Variants in IQCC observed in about 807,000 individuals in gnomAD.
The protein encoded by IQCC is IQ motif containing C, also known as IQ domain-containing protein C.
Under a neutral mutation model 27.0 loss-of-function variants are expected in IQCC, and 23 were observed. That is an observed-to-expected ratio of 0.85 (90% CI 0.61 to 1.21). The LOEUF is 1.21. IQCC is among the 50% of genes most tolerant of loss of function. The probability of loss-of-function intolerance (pLI) is 0.00; values close to 1 mark genes in which losing one functional copy is unlikely to be tolerated. For synonymous variants in IQCC, 220 were observed against 217.2 expected, an observed-to-expected ratio of 1.01 and a Z score of -0.11; for missense variants, 552 against 562.3, an observed-to-expected ratio of 0.98 and a Z score of 0.19.
Position 32,206,683 on chromosome 1 carries a change from AG to A in IQCC, c.362del (p.Ser121ThrfsTer6), listed in dbSNP as rs1643350584. 1 of 1,614,226 alleles carries A rather than the reference AG, an allele frequency of 6.2e-7. No homozygotes were observed. Among genetic ancestry groups the A allele is most frequent in the Admixed American group, 1.7e-5 (1 of 60,028 alleles). The part of the protein sequence containing the change: ...ANQGSLCRDH[S>X]SWLQMKQNRK... ...TCAAGGAAGCCTCTGCAGAGATCAC[AG>A]CTCCTGGCTTCAGATGAAGCAGAAC... On this transcript the variant is annotated frameshift_variant, in exon 3 of 5. Coordinates refer to ENST00000291358, the MANE Select transcript of IQCC (RefSeq NM_018134.3). LOFTEE classifies it high-confidence loss of function.
chr1:32,206,970 G>A, intron 3 of IQCC, 32 bp from the exon 4 acceptor site: 1 of 1,556,588 alleles, frequency 6.4e-7, no homozygotes, highest in South Asian at 1.1e-5. Context: ...GTCCCTCAAG[G>A]TTTTCTCCTT....
rs745660706 is a variant in IQCC at position 32,206,298 on chromosome 1, G to A, written c.186+1G>A. ...TCCCAGGCCGCGATTCCTCCCAGAG[G>A]TAGAACACACCTAGGAGAGAAGGGA... is the stretch of plus-strand genomic sequence containing the variant. On this transcript the variant is annotated splice_donor_variant, in intron 2 of 4. Coordinates refer to ENST00000291358, the MANE Select transcript of IQCC (RefSeq NM_018134.3). LOFTEE classifies it high-confidence loss of function. 2.5e-6 allele frequency: 4 copies of A among 1,614,016 alleles called. No individual in the cohort carries two copies. The highest frequency in any genetic ancestry group is 2.2e-5 in the South Asian group (2 of 91,090).
chr1:32,207,973 C>G lies in IQCC; in HGVS notation c.1292C>G (p.Thr431Ser). ...PSHEGQKKQR[T>S]IPWRSKSPEI... is the part of the protein sequence containing the mutation. ...CATGAAGGACAGAAAAAGCAGAGGA[C>G]TATACCATGGAGATCAAAGTCACCT... The change falls in exon 5 of 5, where the codon ACT becomes AGT. Residue 431 changes from threonine (T) to serine (S), a missense_variant. By Grantham distance (58) the Thr-to-Ser change is moderately conservative. Coordinates refer to ENST00000291358, the MANE Select transcript of IQCC (RefSeq NM_018134.3). 6.2e-7 allele frequency: 1 copy of G among 1,614,152 alleles called. No individual in the cohort carries two copies. The highest frequency in any genetic ancestry group is 8.5e-7 in the Non-Finnish European group (1 of 1,180,020).
At chr1:32,206,880 G>T in intron 3 of IQCC, 119 bp downstream of exon 3, 1 of 1,434,226 alleles carries the variant, frequency 7.0e-7, no homozygotes, top group Non-Finnish European at 9.6e-7. Context: ...TCCCTCTGCC[G>T]GGATAGGGCC....
At position 32,207,298 on chromosome 1, in the gene IQCC, C is replaced by T. The variant is rs371494687; in HGVS notation, c.617C>T (p.Pro206Leu). The change falls in exon 5 of 5, where the codon CCC (proline) becomes CTC (leucine). Residue 206 changes from proline (P) to leucine (L), a missense_variant. Pro to Leu is a moderately conservative substitution (Grantham distance 98, BLOSUM62 -3). Coordinates refer to ENST00000291358, the MANE Select transcript of IQCC (RefSeq NM_018134.3). ...GAGGCGGGCCCGATCAGAGAGGAAC[C>T]CCGCGTGTTCCTAGAACATGGGGAA... ...SPEAGPIREE[P>L]RVFLEHGEQA... 2 of 1,613,682 alleles carry T rather than the reference C, an allele frequency of 1.2e-6. No individual in the cohort carries two copies. The highest frequency in any genetic ancestry group is 2.2e-5 in the East Asian group (1 of 44,880).
rs746697630 is a variant in IQCC, at chr1:32,207,224, T to C, written c.559-16T>C. The C allele has an allele frequency of 1.9e-6, 3 of 1,613,594 alleles. No individual in the cohort carries two copies. The East Asian group carries it at 6.7e-5, about 36-fold the overall frequency. On this transcript the variant is annotated splice_polypyrimidine_tract_variant and intron_variant, in intron 4 of 4. Coordinates refer to ENST00000291358, the MANE Select transcript of IQCC (RefSeq NM_018134.3). Reference sequence around the variant, plus strand: ...GCAGGCCTGCTTGGTACAATGTATGTTCTCTCCCCCAACAGTACCTACTTC... The same window carrying C: ...GCAGGCCTGCTTGGTACAATGTATGCTCTCTCCCCCAACAGTACCTACTTC...
chr1:32,205,750 G>A lies in IQCC; in HGVS notation c.42+27G>A. The A allele has an allele frequency of 3.1e-6, 5 of 1,611,024 alleles. No individual in the cohort carries two copies. The highest frequency in any genetic ancestry group is 4.2e-6 in the Non-Finnish European group (5 of 1,179,316). Reference sequence around the variant, plus strand: ...TGCGGGGGCGGGCGCGGGGTTCACAGGATTTTTCCTTTAGGGAAATCATGG... The same window carrying A: ...TGCGGGGGCGGGCGCGGGGTTCACAAGATTTTTCCTTTAGGGAAATCATGG... On this transcript the variant is annotated intron_variant, in intron 1 of 4. Coordinates refer to ENST00000291358, the MANE Select transcript of IQCC (RefSeq NM_018134.3). The surrounding 1 kb of genome is among the most constrained non-coding windows in gnomAD (Gnocchi z 5.6).
intron 4 of IQCC, 33 bp from the exon 5 acceptor site, chr1:32,207,207 G>A (rs1318219046): frequency 6.2e-7 from 1 of 1,611,310 alleles, no homozygotes; most frequent in Non-Finnish European, 8.5e-7. Context: ...AAGCAGGCCT[G>A]CTTGGTACAA....
chr1:32,207,728 A>C lies in IQCC; in HGVS notation c.1047A>C (p.Ser349=). The C allele has an allele frequency of 6.2e-7, 1 of 1,613,998 alleles. No individual in the cohort carries two copies. Among genetic ancestry groups the C allele is most frequent in the Non-Finnish European group, 8.5e-7 (1 of 1,180,040 alleles). Residue 349 remains serine, a synonymous_variant, in exon 5 of 5, where the codon TCA becomes TCC. Transcript: ENST00000291358. ...AGCTGTCTGCACTCTATGAGGACTCAAATATTAAGGAGATGTCTCCCAGAA... is the reference window on the plus strand; with the variant it reads ...AGCTGTCTGCACTCTATGAGGACTCCAATATTAAGGAGATGTCTCCCAGAA... ...RTQLSALYED[S]NIKEMSPRKL...
rs536221436 is a variant in IQCC, at chr1:32,206,448, T to C, written c.187-61T>C. On this transcript the variant is annotated intron_variant, in intron 2 of 4. Transcript: ENST00000291358. ...CCTCACCAACTTGTCTGCTAGATCA[T>C]GGTGCCCAGATACTTGGAAGGGTTT... The C allele has an allele frequency of 4.4e-6, 7 of 1,608,600 alleles. No homozygotes were observed. The East Asian group carries it at 6.7e-5, about 15-fold the overall frequency.
intron 2 of IQCC, 97 bp from the exon 3 acceptor site, chr1:32,206,412 C>G: frequency 6.3e-7 from 1 of 1,598,854 alleles, no homozygotes; most frequent in Non-Finnish European, 8.5e-7. Flanking sequence ...CCTCACACCC[C>G]ACTCCTTAAC....
intron 2 of IQCC, 84 bp downstream of exon 2, chr1:32,206,381 G>A (rs1445379297): frequency 6.2e-7 from 1 of 1,600,972 alleles, no homozygotes; most frequent in East Asian, 2.2e-5. Context: ...TTTCTCACTG[G>A]AAGAGGCAGT....
rs1218111965 is a variant in IQCC at position 32,206,137 on chromosome 1, C to T, written c.43-17C>T. ...TACCGTGATAAGGGACTTCTTTCCT[C>T]TCGTTCTCCATACCAGGCCTGCGTC... On this transcript the variant is annotated splice_polypyrimidine_tract_variant and intron_variant, in intron 1 of 4. Coordinates refer to ENST00000291358, the MANE Select transcript of IQCC (RefSeq NM_018134.3). 1.2e-6 allele frequency: 2 copies of T among 1,613,230 alleles called. No homozygotes were observed. The highest frequency in any genetic ancestry group is 1.7e-6 in the Non-Finnish European group (2 of 1,179,164).
chr1:32,206,094 C>T, intron 1 of IQCC, 60 bp from the exon 2 acceptor site: 1 of 1,612,126 alleles, frequency 6.2e-7, no homozygotes, highest in Non-Finnish European at 8.5e-7. Flanking sequence ...GGACAGTCCT[C>T]CGAGATGCCC....
At chr1:32,206,355 T>C in intron 2 of IQCC, 58 bp downstream of exon 2, 1 of 1,605,602 alleles carries the variant, frequency 6.2e-7, no homozygotes, top group Non-Finnish European at 8.5e-7. Context: ...GAACCCACCC[T>C]TCCCAGTGAT....
At position 32,207,594 on chromosome 1, in the gene IQCC, G is replaced by A. The variant is rs35962977; in HGVS notation, c.913G>A (p.Gly305Arg). 2.4e-5 allele frequency: 38 copies of A among 1,613,466 alleles called. No homozygotes were observed. The African/African-American group carries it at 2.9e-4, about 12-fold the overall frequency. The stretch of plus-strand genomic sequence containing the variant: ...CAGGCTCACCAAAGGGCCAGACGAT[G>A]GAAGACAGACCTTTGGAGGGACCTG... ...GDRLTKGPDD[G>R]RQTFGGTCLL... Residue 305 changes from glycine (G) to arginine (R), a missense_variant, in exon 5 of 5, where the codon GGA becomes AGA. Transcript: ENST00000291358.
In IQCC at chr1:32,206,676, A is replaced by C. The variant is rs370489304; in HGVS notation, c.354A>C (p.Arg118Ser). Residue 118 changes from arginine (R) to serine (S), a missense_variant, in exon 3 of 5, where the codon AGA (arginine) becomes AGC (serine). Physicochemically the swap from Arg to Ser is moderately radical, Grantham distance 110. Transcript: ENST00000291358. ...CAGCAAATCAAGGAAGCCTCTGCAGAGATCACAGCTCCTGGCTTCAGATGA... is the reference window on the plus strand; with the variant it reads ...CAGCAAATCAAGGAAGCCTCTGCAGCGATCACAGCTCCTGGCTTCAGATGA... Reference protein sequence around the residue: ...ESSANQGSLCRDHSSWLQMKQ... With the variant: ...ESSANQGSLCSDHSSWLQMKQ... The C allele has an allele frequency of 1.9e-6, 3 of 1,614,104 alleles. No individual in the cohort carries two copies. Among genetic ancestry groups the C allele is most frequent in the Non-Finnish European group, 2.5e-6 (3 of 1,180,050 alleles).
Position 32,207,600 on chromosome 1 carries a change from C to G in IQCC, c.919C>G (p.Gln307Glu). 6.2e-7 allele frequency: 1 copy of G among 1,613,700 alleles called. No individual in the cohort carries two copies. The highest frequency in any genetic ancestry group is 8.5e-7 in the Non-Finnish European group (1 of 1,179,938). The change falls in exon 5 of 5, where the codon CAG becomes GAG. Residue 307 changes from glutamine (Q) to glutamate (E), a missense_variant. By Grantham distance (29) the Gln-to-Glu change is conservative. Coordinates refer to ENST00000291358, the MANE Select transcript of IQCC (RefSeq NM_018134.3). ...RLTKGPDDGR[Q>E]TFGGTCLLQM... ...CACCAAAGGGCCAGACGATGGAAGA[C>G]AGACCTTTGGAGGGACCTGCCTGCT... is the stretch of plus-strand genomic sequence containing the variant.
chr1:32,206,164 G>C lies in IQCC; in HGVS notation c.53G>C (p.Arg18Pro), dbSNP rs1172030450. The C allele has an allele frequency of 3.7e-6, 6 of 1,613,634 alleles. No individual in the cohort carries two copies. Among genetic ancestry groups the C allele is most frequent in the East Asian group, 2.2e-5 (1 of 44,890 alleles). Residue 18 changes from arginine to proline, a missense_variant, in exon 2 of 5, where the codon CGG becomes CCG. Transcript: ENST00000291358. The stretch of plus-strand genomic sequence containing the variant: ...CGTTCTCCATACCAGGCCTGCGTCC[G>C]GGGCTTCTTGGTCCGACGCCAGTTC... ...RKVSALQACV[R>P]GFLVRRQFQS... is the part of the protein sequence containing the mutation.
Sources: allele counts gnomAD v4.1 joint callset, GRCh38; gene constraint gnomAD v4.1.1; non-coding constraint Gnocchi (gnomAD v3.1); transcripts MANE v1.5; gene names NCBI Gene and HGNC (gene_info 2026-07-23, HGNC 2026-07-21).